GSTO2: variants seen among roughly 807,000 people sequenced by gnomAD.
The protein encoded by GSTO2 is glutathione S-transferase omega 2.
In GSTO2, 23 loss-of-function variants were observed where a neutral mutation model predicts 28.4. The ratio of observed to expected loss-of-function variants is 0.81; its 90% CI spans 0.58 to 1.15. GSTO2 has a LOEUF of 1.15. Ranked by LOEUF, GSTO2 falls within the 50% of genes most tolerant of loss-of-function variation. The pLI is 0.00. For missense variants in GSTO2, 298 were observed against 297.8 expected, an observed-to-expected ratio of 1.00 and a Z score of 0.00; for synonymous variants, 109 against 111.0, an observed-to-expected ratio of 0.98 and a Z score of 0.11.
chr10:104,270,879 T>C (rs1298586431), intron 1 of GSTO2, among the ~76,000 whole-genome samples: 1 of 152,244 alleles, frequency 6.6e-6, no homozygotes, highest in Non-Finnish European at 1.5e-5. Context: ...AAGCTATTTC[T>C]TTGGTGGCAT....
chr10:104,289,473 T>TCC (rs578069311), intron 5 of GSTO2, among the ~76,000 whole-genome samples: 147 of 152,308 alleles, frequency 9.7e-4, no homozygotes, highest in African/African-American at 3.4e-3. Context: ...GGTCCTTTAA[T>TCC]CCCCAAATTT....
At chr10:104,276,529 C>T (rs987412041) in intron 3 of GSTO2, among the ~76,000 whole-genome samples, 13 of 152,160 alleles carry the variant, frequency 8.5e-5, no homozygotes, top group African/African-American at 2.7e-4. Context: ...AGTAGAGTCC[C>T]CCTTCCCTAT....
rs915862982 is a variant in GSTO2, at chr10:104,293,059, G to A, written c.469-4519G>A. ...TTGCCTGAAGATCTGCTCATCAGTG[G>A]AATAAAACAGGAAGGACAGAATTCT... On this transcript the variant is annotated intron_variant, in intron 5 of 6. Transcript: ENST00000338595. Among the ~76,000 whole-genome samples the A allele has an allele frequency of 3.3e-5, 5 of 152,188 alleles. No homozygotes were observed. In the South Asian group the frequency reaches 1.0e-3, roughly 31 times the overall value.
intron 3 of GSTO2, among the ~76,000 whole-genome samples, chr10:104,276,334 T>C (rs1419292021): frequency 6.6e-6 from 1 of 152,228 alleles, no homozygotes; most frequent in Admixed American, 6.5e-5. Context: ...CAACTGGATG[T>C]TTTGCCCATT....
At position 104,270,929 on chromosome 10, in the gene GSTO2, C is replaced by G. The variant is rs76620346; in HGVS notation, c.-232+1660C>G. On this transcript the variant is annotated intron_variant, in intron 1 of 6. Transcript: ENST00000338595. ...GCTTAAGTCGTTAATCACCCATGACCGAAGATCCAAACATTTTCAAAGCAG... is the reference window on the plus strand; with the variant it reads ...GCTTAAGTCGTTAATCACCCATGACGGAAGATCCAAACATTTTCAAAGCAG... Among the ~76,000 whole-genome samples the G allele has an allele frequency of 4.4e-3, 672 of 152,254 alleles. 3 individuals carry two copies. The highest frequency in any genetic ancestry group is 7.7e-3 in the Non-Finnish European group (527 of 68,030).
At chr10:104,276,270 T>G (rs752146221) in intron 3 of GSTO2, among the ~76,000 whole-genome samples, 8 of 152,234 alleles carry the variant, frequency 5.3e-5, no homozygotes, top group Non-Finnish European at 1.2e-4. Flanking sequence ...ATTCTTCCCT[T>G]TTGCTCAAAT....
At chr10:104,275,393 A>T (rs2011585619) in intron 3 of GSTO2, 59 bp downstream of exon 3, 2 of 1,516,638 alleles carry the variant, frequency 1.3e-6, no homozygotes. Flanking sequence ...GAGCCCGGGA[A>T]TGTTTAACAT....
At chr10:104,272,018 T>C (rs1053745262) in intron 1 of GSTO2, among the ~76,000 whole-genome samples, 2 of 152,178 alleles carry the variant, frequency 1.3e-5, no homozygotes, top group African/African-American at 2.4e-5. Context: ...TATGTGAAAA[T>C]TATATGAAAT....
chr10:104,272,449 T>C lies in GSTO2; in HGVS notation c.-231-2236T>C, dbSNP rs76451872. Among the ~76,000 whole-genome samples, 1,206 of 152,220 alleles carry C rather than the reference T, an allele frequency of 7.9e-3. 14 individuals are homozygous for C. Among genetic ancestry groups the C allele is most frequent in the South Asian group, 0.015 (72 of 4,824 alleles). On this transcript the variant is annotated intron_variant, in intron 1 of 6. Coordinates refer to ENST00000338595, the MANE Select transcript of GSTO2 (RefSeq NM_183239.2). Reference sequence around the variant, plus strand: ...CATCTGATAAAGACTAAGATACTGGTTGAGATTGTTGCCGCTGGAGTCAAA... The same window carrying C: ...CATCTGATAAAGACTAAGATACTGGCTGAGATTGTTGCCGCTGGAGTCAAA...
intron 5 of GSTO2, among the ~76,000 whole-genome samples, chr10:104,286,437 T>C (rs182811292): frequency 3.2e-4 from 49 of 152,362 alleles, no homozygotes; most frequent in African/African-American, 1.2e-3. Flanking sequence ...GGCTAAATAA[T>C]ATTCCATGTG....
chr10:104,297,886 C>A (rs2013119415), intron 6 of GSTO2, among the ~76,000 whole-genome samples: 1 of 152,186 alleles, frequency 6.6e-6, no homozygotes, highest in African/African-American at 2.4e-5. Flanking sequence ...GCCCGCATTT[C>A]TGCAGATCAG....
At chr10:104,280,752 C>T (rs1221446875) in intron 5 of GSTO2, among the ~76,000 whole-genome samples, 1 of 152,198 alleles carries the variant, frequency 6.6e-6, no homozygotes, top group African/African-American at 2.4e-5. Flanking sequence ...GGTGGTTCCT[C>T]TATTGGCAGC....
intron 5 of GSTO2, among the ~76,000 whole-genome samples, chr10:104,285,330 A>G (rs377742142): frequency 1.3e-5 from 2 of 152,112 alleles, no homozygotes; most frequent in East Asian, 3.9e-4. Context: ...GTGCAGTGGC[A>G]CAGTCATGGC....
chr10:104,289,192 A>G (rs111780363), intron 5 of GSTO2, among the ~76,000 whole-genome samples: 5,750 of 152,110 alleles, frequency 0.038, 396 homozygotes, highest in African/African-American at 0.13. Flanking sequence ...TCGACCTCTC[A>G]GGCTCAGGTG....
rs397787244 is a variant in GSTO2, at chr10:104,293,563, ATTT to A, written c.469-3995_469-3993del. Among the ~76,000 whole-genome samples, 116 of 81,628 alleles carry A rather than the reference ATTT, an allele frequency of 1.4e-3. 6 individuals are homozygous for A. Among genetic ancestry groups the A allele is most frequent in the Middle Eastern group, 7.2e-3 (1 of 138 alleles). 53.6% of individuals were successfully genotyped at this position (81,628 alleles called of 152,430 possible). ...AGGCATGAGCCACTGCGCCTGGCCAATTTTTTTTTTTTTTTTTTTTTTGCGACA... is the reference window on the plus strand; with the variant it reads ...AGGCATGAGCCACTGCGCCTGGCCAATTTTTTTTTTTTTTTTTTTGCGACA... On this transcript the variant is annotated intron_variant, in intron 5 of 6. Coordinates refer to ENST00000338595, the MANE Select transcript of GSTO2 (RefSeq NM_183239.2).
Position 104,302,365 on chromosome 10 carries a change from A to G in GSTO2, c.*3081A>G, listed in dbSNP as rs919780970. 1 of 152,246 alleles carries G rather than the reference A, an allele frequency of 6.6e-6. No individual in the cohort carries two copies. Among genetic ancestry groups the G allele is most frequent in the Non-Finnish European group, 1.5e-5 (1 of 68,034 alleles). 9.4% of individuals were successfully genotyped at this position (152,246 alleles called of 1,614,324 possible). The stretch of plus-strand genomic sequence containing the variant: ...TAAAAAAATTAGTTTAAACCACAGC[A>G]TTTAAAAGAAATGGTCATAGATGAT... On this transcript the variant is annotated 3_prime_UTR_variant, in exon 7 of 7. Coordinates refer to ENST00000338595, the MANE Select transcript of GSTO2 (RefSeq NM_183239.2).
intron 5 of GSTO2, among the ~76,000 whole-genome samples, chr10:104,285,424 G>A (rs182010188): frequency 7.3e-5 from 11 of 151,344 alleles, no homozygotes; most frequent in South Asian, 2.1e-4. Flanking sequence ...TGAAGCCACC[G>A]AGCCTGCCTC....
rs958596701 is a variant in GSTO2, at chr10:104,300,516, C to T, written c.*1232C>T. 6.6e-6 allele frequency: 1 copy of T among 152,306 alleles called. No homozygotes were observed. The highest frequency in any genetic ancestry group is 2.4e-5 in the African/African-American group (1 of 41,460). 9.4% of individuals were successfully genotyped at this position (152,306 alleles called of 1,614,324 possible). A position where few individuals can be genotyped will look rare whatever the true frequency, so the allele number is the denominator to read the frequency against. On this transcript the variant is annotated 3_prime_UTR_variant, in exon 7 of 7. Transcript: ENST00000338595. ...TTGTCTGTTGTAGGGATGCTTGTCT[C>T]TGATGTGGCCCCTCTGCCAGCTTCG...
At chr10:104,274,979 G>A in intron 2 of GSTO2, 30 bp downstream of exon 2, 1 of 1,564,186 alleles carries the variant, frequency 6.4e-7, no homozygotes, top group Non-Finnish European at 8.6e-7. Context: ...TCCGCGAGCT[G>A]GGGGCGCCGC....
Sources: gnomAD v4.1 joint callset for allele counts (sites outside exome capture counted in the v4.1 genomes callset) on GRCh38, gnomAD v4.1.1 for gene constraint, MANE v1.5 for transcripts, NCBI Gene and HGNC (gene_info 2026-07-23, HGNC 2026-07-21) for gene names.